VTI1A: variants seen among roughly 807,000 people sequenced by gnomAD.
VTI1A encodes vesicle transport through interaction with t-SNAREs 1A.
A neutral mutation model predicts 34.9 loss-of-function variants in VTI1A; 22 were observed. The ratio of observed to expected loss-of-function variants is 0.63; its 90% CI spans 0.45 to 0.90. The LOEUF is 0.90. Among genes scored for constraint, VTI1A ranks in the 40% least tolerant of loss-of-function variants. The probability of loss-of-function intolerance (pLI) is 0.00; values close to 1 mark genes in which losing one functional copy is unlikely to be tolerated. For synonymous variants in VTI1A, 87 were observed against 97.3 expected, an observed-to-expected ratio of 0.89 and a Z score of 0.62; for missense variants, 268 against 275.6, an observed-to-expected ratio of 0.97 and a Z score of 0.20.
chr10:112,464,760 A>C, intron 3 of VTI1A, 103 bp downstream of exon 3: 1 of 947,020 alleles, frequency 1.1e-6, no homozygotes, highest in Non-Finnish European at 1.6e-6. Flanking sequence ...GCTCATGTAG[A>C]AGACAAGTAA....
At chr10:112,495,224 TAAAAAAAA>T in intron 3 of VTI1A, among the ~76,000 whole-genome samples, 1 of 135,442 alleles carries the variant, frequency 7.4e-6, no homozygotes, top group Admixed American at 7.7e-5. Flanking sequence ...TTTTTTTAGT[TAAAAAAAA>T]ATTTTCTCCA....
At chr10:112,742,076 T>A (rs1850713550) in intron 7 of VTI1A, among the ~76,000 whole-genome samples, 1 of 152,208 alleles carries the variant, frequency 6.6e-6, no homozygotes, top group Admixed American at 6.5e-5. Flanking sequence ...CTAGATTCCG[T>A]TCCCACTTTA....
the VTI1A span, among the ~76,000 whole-genome samples, chr10:112,843,476 G>A: frequency 1.3e-5 from 2 of 152,226 alleles, no homozygotes; most frequent in Non-Finnish European, 2.9e-5. Context: ...TGGAATTAAT[G>A]TGAGGAATCG....
intron 5 of VTI1A, among the ~76,000 whole-genome samples, chr10:112,593,911 T>TTA (rs3057341): frequency 0.5 from 74,352 of 149,272 alleles, 18,836 homozygotes; most frequent in Non-Finnish European, 0.52. Context: ...TAATTTTTTT[T>TTA]TTATTATTAT....
chr10:112,567,922 C>T (rs563202764), intron 5 of VTI1A, among the ~76,000 whole-genome samples: 9 of 152,270 alleles, frequency 5.9e-5, no homozygotes, highest in African/African-American at 2.2e-4. Context: ...ATAGGGCACA[C>T]ATCCGTATAG....
chr10:112,707,877 G>A (rs979693542), intron 7 of VTI1A, among the ~76,000 whole-genome samples: 1 of 152,132 alleles, frequency 6.6e-6, no homozygotes, highest in Admixed American at 6.5e-5. Flanking sequence ...AGTCTGTTTG[G>A]TTCATGTAAT....
At chr10:112,681,559 T>A (rs1430637525) in intron 7 of VTI1A, among the ~76,000 whole-genome samples, 1 of 152,228 alleles carries the variant, frequency 6.6e-6, no homozygotes, top group Admixed American at 6.5e-5. Context: ...TCAAATTTTT[T>A]AATTATGATG....
chr10:112,808,033 CAT>C, intron 7 of VTI1A, among the ~76,000 whole-genome samples: 1 of 151,708 alleles, frequency 6.6e-6, no homozygotes, highest in East Asian at 2.0e-4. Flanking sequence ...GCCTGGGAAA[CAT>C]AGTGAGACCC....
chr10:112,837,065 G>A, the VTI1A span, among the ~76,000 whole-genome samples: 1 of 152,230 alleles, frequency 6.6e-6, no homozygotes, highest in Non-Finnish European at 1.5e-5. Flanking sequence ...GCCCACGCCT[G>A]TAATCCCAGC....
chr10:112,617,737 CT>C (rs1845558698), intron 5 of VTI1A, among the ~76,000 whole-genome samples: 1 of 151,832 alleles, frequency 6.6e-6, no homozygotes, highest in Non-Finnish European at 1.5e-5. Context: ...AAAAATAAGA[CT>C]AAAAACAAAA....
In VTI1A at chr10:112,611,737, A is replaced by ATT. The variant is rs3057346; in HGVS notation, c.428-56460_428-56459dup. On this transcript the variant is annotated intron_variant, in intron 5 of 7. Transcript: ENST00000393077. ...TAAAGCCCATTTGGTGAGAAAGGTAATTTTTTTTTTTTTTTTTTTTTTGTG... is the reference window on the plus strand; with the variant it reads ...TAAAGCCCATTTGGTGAGAAAGGTAATTTTTTTTTTTTTTTTTTTTTTTTGTG... Among the ~76,000 whole-genome samples, 435 of 100,774 alleles carry ATT rather than the reference A, an allele frequency of 4.3e-3. 32 individuals carry two copies. The highest frequency in any genetic ancestry group is 0.016 in the African/African-American group (349 of 22,338). The allele number at this position is 100,774 out of a possible 152,430, so 66.1% of individuals were successfully genotyped here. A position where few individuals can be genotyped will look rare whatever the true frequency, so the allele number is the denominator to read the frequency against.
chr10:112,802,618 G>A (rs1852912681), intron 7 of VTI1A, among the ~76,000 whole-genome samples: 1 of 152,214 alleles, frequency 6.6e-6, no homozygotes, highest in Non-Finnish European at 1.5e-5. Context: ...TGCAGTGGAT[G>A]TTGCTGCAGC....
chr10:112,527,796 C>G (rs1850288562), intron 4 of VTI1A, among the ~76,000 whole-genome samples: 1 of 151,856 alleles, frequency 6.6e-6, no homozygotes, highest in African/African-American at 2.4e-5. Flanking sequence ...GATACAGTTT[C>G]TTCTTAAAAG....
chr10:112,748,446 A>G (rs905462223), intron 7 of VTI1A, among the ~76,000 whole-genome samples: 1 of 152,152 alleles, frequency 6.6e-6, no homozygotes, highest in Non-Finnish European at 1.5e-5. Flanking sequence ...TACCTGAGCC[A>G]GTCAAGTTTT....
At chr10:112,812,553 C>T (rs910718990) in intron 7 of VTI1A, among the ~76,000 whole-genome samples, 2 of 152,202 alleles carry the variant, frequency 1.3e-5, no homozygotes, top group African/African-American at 2.4e-5. Context: ...TCCAAACTGG[C>T]TCAGTCCTAT....
Position 112,666,582 on chromosome 10 carries a change from C to T in VTI1A, c.428-1636C>T, listed in dbSNP as rs953242961. On this transcript the variant is annotated intron_variant, in intron 5 of 7. Transcript: ENST00000393077. ...GGATTCAATGATTCTTTGTTGAATG[C>T]TCTGAATCTTACATACTGTATCATG... Among the ~76,000 whole-genome samples, 32 of 152,278 alleles carry T rather than the reference C, an allele frequency of 2.1e-4. 1 individual carries two copies. The highest frequency in any genetic ancestry group is 6.2e-4 in the South Asian group (3 of 4,830).
intron 5 of VTI1A, among the ~76,000 whole-genome samples, chr10:112,587,587 G>A (rs1049405309): frequency 6.6e-6 from 1 of 152,090 alleles, no homozygotes; most frequent in Non-Finnish European, 1.5e-5. Context: ...AGGTACCTCT[G>A]CAGAAAATGT....
intron 7 of VTI1A, among the ~76,000 whole-genome samples, chr10:112,688,725 G>A (rs991262450): frequency 6.6e-6 from 1 of 151,794 alleles, no homozygotes; most frequent in Non-Finnish European, 1.5e-5. Context: ...TTTTAGTAGA[G>A]ACGGGGTTTC....
At chr10:112,460,603 A>G (rs372723501) in intron 2 of VTI1A, 21 bp downstream of exon 2, 49 of 1,561,666 alleles carry the variant, frequency 3.1e-5, no homozygotes, top group Non-Finnish European at 4.1e-5. Context: ...ACAGTAATGT[A>G]TTTTAACACA....
Sources: allele counts gnomAD v4.1 joint callset (sites outside exome capture counted in the v4.1 genomes callset), GRCh38; gene constraint gnomAD v4.1.1; transcripts MANE v1.5; gene names NCBI Gene and HGNC (gene_info 2026-07-23, HGNC 2026-07-21).